Variants in DNAH12 observed in about 807,000 individuals in gnomAD.
DNAH12 encodes the protein dynein axonemal heavy chain 12.
Under a neutral mutation model 371.5 loss-of-function variants are expected in DNAH12, and 285 were observed. That is an observed-to-expected ratio of 0.77 (90% CI 0.70 to 0.85). The LOEUF (loss-of-function observed/expected upper bound fraction) is 0.85, where lower values mean the gene tolerates loss of function less well. DNAH12 is among the 40% of genes least tolerant of loss of function. The pLI is 0.00. For synonymous variants in DNAH12, 1,200 were observed against 1,213.0 expected, an observed-to-expected ratio of 0.99 and a Z score of 0.22; for missense variants, 3,611 against 3,689.4, an observed-to-expected ratio of 0.98 and a Z score of 0.55.
At position 57,542,160 on chromosome 3, in the gene DNAH12, G is replaced by C. The variant is rs866075790; in HGVS notation, c.170+541C>G. On this transcript the variant is annotated intron_variant, in intron 2 of 73. Transcript: ENST00000495027. ...AGTTTTAATTTCCACTAAACTGGGG[G>C]GGGGGGGGGCGGTGAGTAGGATGTT... Among the ~76,000 whole-genome samples, 10 of 119,434 alleles carry C rather than the reference G, an allele frequency of 8.4e-5. No individual in the cohort carries two copies. In the East Asian group the frequency reaches 8.9e-4, roughly 11 times the overall value. 78.4% of individuals were successfully genotyped at this position (119,434 alleles called of 152,430 possible).
rs1248040258 is a variant in DNAH12, at chr3:57,508,525, A to C, written c.558T>G (p.Ser186=). Residue 186 remains serine (S), a synonymous_variant, in exon 7 of 74, where the codon TCT becomes TCG. Coordinates refer to ENST00000495027, the MANE Select transcript of DNAH12 (RefSeq NM_001366028.2). The part of the protein sequence containing the change: ...LPESPVGLDY[S]NPWHSSYVQA... ...GCACATAGCTAGAATGCCAAGGATT[A>C]GAATAATCTAGGCCTCTGGAAAAGC... is the stretch of plus-strand genomic sequence containing the variant. 1 of 1,611,924 alleles carries C rather than the reference A, an allele frequency of 6.2e-7. No homozygotes were observed. Among genetic ancestry groups the C allele is most frequent in the East Asian group, 2.2e-5 (1 of 44,790 alleles).
chr3:57,353,296 TA>T (rs1280054727), intron 59 of DNAH12, among the ~76,000 whole-genome samples: 3 of 151,310 alleles, frequency 2.0e-5, no homozygotes, highest in Non-Finnish European at 4.4e-5. Flanking sequence ...TTTGGCACTT[TA>T]TTTTTTTTTT....
At position 57,334,917 on chromosome 3, in the gene DNAH12, T is replaced by C; in HGVS notation, c.9698A>G (p.Gln3233Arg). The C allele has an allele frequency of 6.5e-7, 1 of 1,550,072 alleles. No individual in the cohort carries two copies. Among genetic ancestry groups the C allele is most frequent in the Non-Finnish European group, 8.7e-7 (1 of 1,146,632 alleles). Residue 3233 changes from glutamine (Q) to arginine (R), a missense_variant, in exon 61 of 74, where the codon CAG (glutamine) becomes CGG (arginine). This residue lies in a region of DNAH12 where 2,266 missense variants were observed against 2,236.9 expected (regional missense o/e 1.01). Coordinates refer to ENST00000495027, the MANE Select transcript of DNAH12 (RefSeq NM_001366028.2). ...TCCAGTTAAAAGAAACATCAGTTCC[T>C]GGTATTCAATCTCTTTCCTTGCCCT... ...LLLARKEIEY[Q>R]ELMFLLTGGV...
intron 60 of DNAH12, among the ~76,000 whole-genome samples, chr3:57,348,216 A>T (rs1288452891): frequency 6.6e-6 from 1 of 152,190 alleles, no homozygotes; most frequent in Non-Finnish European, 1.5e-5. Context: ...TGAAAAGACA[A>T]AGAGGAACCT....
chr3:57,408,756 C>T (rs1209181053), intron 39 of DNAH12, among the ~76,000 whole-genome samples: 4 of 11,782 alleles, frequency 3.4e-4, no homozygotes, highest in African/African-American at 1.8e-3. Context: ...CTGGAATGAC[C>T]CTTCCCTCTT....
intron 40 of DNAH12, 99 bp from the exon 41 acceptor site, chr3:57,406,051 T>C (rs2064015334): frequency 6.2e-6 from 8 of 1,284,808 alleles, no homozygotes; most frequent in Non-Finnish European, 8.4e-6. Flanking sequence ...ATTTACTCTG[T>C]CAGATTATAT....
chr3:57,463,173 T>C (rs1033362585), intron 17 of DNAH12, among the ~76,000 whole-genome samples: 24 of 151,454 alleles, frequency 1.6e-4, no homozygotes, highest in Non-Finnish European at 2.9e-4. Context: ...CTTTGGGAGG[T>C]TGGGGTGGGA....
chr3:57,470,854 G>T (rs1410470817), intron 15 of DNAH12, among the ~76,000 whole-genome samples: 1 of 151,906 alleles, frequency 6.6e-6, no homozygotes, highest in Admixed American at 6.6e-5. Context: ...CTACAGATGC[G>T]GACCACCACA....
intron 70 of DNAH12, among the ~76,000 whole-genome samples, chr3:57,301,313 A>G (rs972863003): frequency 8.7e-5 from 12 of 137,662 alleles, no homozygotes; most frequent in African/African-American, 2.9e-4. Flanking sequence ...TCCAAGCCTC[A>G]GGATTTTTGA....
At chr3:57,335,198 T>C (rs2153308311) in intron 60 of DNAH12, among the ~76,000 whole-genome samples, 1 of 152,328 alleles carries the variant, frequency 6.6e-6, no homozygotes, top group East Asian at 1.9e-4. Context: ...TGGCACTTTC[T>C]AGACTACAGA....
chr3:57,366,339 G>T (rs957192052), intron 57 of DNAH12, among the ~76,000 whole-genome samples: 2 of 152,126 alleles, frequency 1.3e-5, no homozygotes, highest in Non-Finnish European at 2.9e-5. Context: ...AAAAATGGAC[G>T]ACTAGCAGCC....
In DNAH12 at chr3:57,366,834, G is replaced by C. The variant is rs1393920811; in HGVS notation, c.9062C>G (p.Pro3021Arg). Reference protein sequence around the residue: ...KFYITTKLRNPHYMPELATKV... With the variant: ...KFYITTKLRNRHYMPELATKV... ...TGTAGCCAGTTCTGGCATATAGTGCGGGTTTCTCAGTTTTGTGGTGATATA... is the reference window on the plus strand; with the variant it reads ...TGTAGCCAGTTCTGGCATATAGTGCCGGTTTCTCAGTTTTGTGGTGATATA... Residue 3021 changes from proline to arginine, a missense_variant, in exon 57 of 74, where the codon CCG (proline) becomes CGG (arginine). Physicochemically the swap from Pro to Arg is moderately radical, Grantham distance 103. Around this residue, in one of 3 missense-constraint regions of DNAH12, gnomAD observed 2,266 missense variants for 2,236.9 expected, o/e 1.01. Transcript: ENST00000495027. 6.6e-6 allele frequency: 1 copy of C among 152,084 alleles called. No homozygotes were observed. The highest frequency in any genetic ancestry group is 2.4e-5 in the African/African-American group (1 of 41,390). The allele number at this position is 152,084 out of a possible 1,614,324, so 9.4% of individuals were successfully genotyped here.
intron 4 of DNAH12, among the ~76,000 whole-genome samples, chr3:57,518,841 T>C (rs1175656203): frequency 6.6e-6 from 1 of 152,088 alleles, no homozygotes; most frequent in Non-Finnish European, 1.5e-5. Flanking sequence ...CTGAGGTATT[T>C]GTGCAAAAAA....
Position 57,314,395 on chromosome 3 carries a change from A to C in DNAH12, c.10662+99T>G, listed in dbSNP as rs548577138. 7.1e-6 allele frequency: 10 copies of C among 1,399,608 alleles called. No homozygotes were observed. The African/African-American group carries it at 1.3e-4, about 18-fold the overall frequency. 86.7% of individuals were successfully genotyped at this position (1,399,608 alleles called of 1,614,324 possible). A position where few individuals can be genotyped will look rare whatever the true frequency, so the allele number is the denominator to read the frequency against. ...AGTTATTACCATCTACCCACCTGTT[A>C]GTGTTGGGAGAAGTGAATCAGCTAT... On this transcript the variant is annotated intron_variant, in intron 66 of 73. Transcript: ENST00000495027.
chr3:57,554,114 C>T, the DNAH12 span, among the ~76,000 whole-genome samples: 1 of 149,198 alleles, frequency 6.7e-6, no homozygotes, highest in Non-Finnish European at 1.5e-5. Flanking sequence ...CAGTGAAATT[C>T]CATCTCTACT....
intron 25 of DNAH12, among the ~76,000 whole-genome samples, chr3:57,451,318 G>C (rs1471225965): frequency 6.6e-6 from 1 of 152,140 alleles, no homozygotes; most frequent in African/African-American, 2.4e-5. Flanking sequence ...TAAAAATACA[G>C]AATGCCCAGT....
chr3:57,437,596 C>A (rs2065168814), intron 29 of DNAH12, among the ~76,000 whole-genome samples: 1 of 152,060 alleles, frequency 6.6e-6, no homozygotes, highest in Non-Finnish European at 1.5e-5. Flanking sequence ...CGGATTGGGC[C>A]TGCTATAGAC....
At chr3:57,374,582 C>T (rs2063242591) in intron 55 of DNAH12, among the ~76,000 whole-genome samples, 1 of 152,054 alleles carries the variant, frequency 6.6e-6, no homozygotes, top group South Asian at 2.1e-4. Flanking sequence ...GTTACTGTAT[C>T]TTGAAGATGG....
intron 70 of DNAH12, 60 bp from the exon 71 acceptor site, chr3:57,297,044 A>ATG: frequency 6.5e-7 from 1 of 1,528,070 alleles, no homozygotes. Flanking sequence ...GTGCCACCTG[A>ATG]TGTACAATTC....
Sources: allele counts gnomAD v4.1 joint callset (sites outside exome capture counted in the v4.1 genomes callset), GRCh38; gene constraint gnomAD v4.1.1; regional missense constraint gnomAD v4.1.1; transcripts MANE v1.5; gene names NCBI Gene and HGNC (gene_info 2026-07-23, HGNC 2026-07-21).